B4GALT7: variants seen among roughly 807,000 people sequenced by gnomAD.
B4GALT7 encodes the protein beta-1,4-galactosyltransferase 7, also known as UDP-Gal:beta-GlcNAc beta-1,4-galactosyltransferase 7.
B4GALT7 carries 30 observed loss-of-function variants against 33.0 expected under a neutral mutation model. That is an observed-to-expected ratio of 0.91 (90% confidence interval 0.68 to 1.23). The LOEUF (loss-of-function observed/expected upper bound fraction) is 1.23. Among genes scored for constraint, B4GALT7 ranks in the 50% most tolerant of loss-of-function variants. The pLI is 0.00. For synonymous variants in B4GALT7, 213 were observed against 187.2 expected (o/e 1.14, Z -1.13); for missense variants, 507 against 450.8 (o/e 1.12, Z -1.13).
intron 2 of B4GALT7, chr5:177,605,196 C>T: frequency 2.7e-6 from 1 of 369,084 alleles, no homozygotes; most frequent in South Asian, 2.0e-5. Flanking sequence ...GTCCAAGGTC[C>T]ATCATTAAAA....
Position 177,608,494 on chromosome 5 carries a change from C to G in B4GALT7, c.640-45C>G, listed in dbSNP as rs202000213. ...AGCGGTAGGAGACCAAAGGCCCCCC[C>G]CCCCGGGAAGATGGGCCGAGTGACG... On this transcript the variant is annotated intron_variant, in intron 3 of 5. Transcript: ENST00000029410. This position sits in a 1 kb window ranked among gnomAD's most constrained non-coding sequence, Gnocchi z 4.1. 655 of 1,564,094 alleles carry G rather than the reference C, an allele frequency of 4.2e-4. 2 individuals are homozygous for G. The highest frequency in any genetic ancestry group is 1.0e-3 in the African/African-American group (74 of 73,760).
chr5:177,604,919 G>A (rs1173369531), intron 2 of B4GALT7: 10 of 462,908 alleles, frequency 2.2e-5, no homozygotes, highest in Non-Finnish European at 4.3e-5. Context: ...GAGGGTCAAG[G>A]CCACGGCTTT....
chr5:177,602,222 A>T (rs1767866869), intron 1 of B4GALT7, among the ~76,000 whole-genome samples: 1 of 151,832 alleles, frequency 6.6e-6, no homozygotes, highest in Admixed American at 6.5e-5. Flanking sequence ...GGGGTTTCCT[A>T]CCAGGCCACC....
chr5:177,604,365 G>A lies in B4GALT7; in HGVS notation c.237G>A (p.Pro79=). ...SGPPRACPPE[P]PPEHWEEDAS... ...CTCCCCGTGCCTGCCCCCCAGAGCC[G>A]CCCCCTGAGCACTGGGAAGAAGACG... The change falls in exon 2 of 6, where the codon CCG becomes CCA. Residue 79 remains proline (P), a synonymous_variant. Coordinates refer to ENST00000029410, the MANE Select transcript of B4GALT7 (RefSeq NM_007255.3). 2 of 1,612,434 alleles carry A rather than the reference G, an allele frequency of 1.2e-6. No homozygotes were observed. The highest frequency in any genetic ancestry group is 1.7e-6 in the Non-Finnish European group (2 of 1,179,256).
At position 177,606,786 on chromosome 5, in the gene B4GALT7, G is replaced by T; in HGVS notation, c.414-516G>T. 1 of 250,600 alleles carries T rather than the reference G, an allele frequency of 4.0e-6. No individual in the cohort carries two copies. The highest frequency in any genetic ancestry group is 8.0e-6 in the Non-Finnish European group (1 of 125,658). The allele number at this position is 250,600 out of a possible 1,614,324, so 15.5% of individuals were successfully genotyped here. Reference sequence around the variant, plus strand: ...CCCACCTCTGCCCTCGCCCTGCCCAGCTGCCCGTTGGTCTGCTCCTGCCTC... The same window carrying T: ...CCCACCTCTGCCCTCGCCCTGCCCATCTGCCCGTTGGTCTGCTCCTGCCTC... On this transcript the variant is annotated intron_variant, in intron 2 of 5. Coordinates refer to ENST00000029410, the MANE Select transcript of B4GALT7 (RefSeq NM_007255.3). The surrounding 1 kb of genome is among the most constrained non-coding windows in gnomAD (Gnocchi z 4.2).
At chr5:177,603,968 C>T (rs1435437441) in intron 1 of B4GALT7, 6 of 659,314 alleles carry the variant, frequency 9.1e-6, no homozygotes, top group Admixed American at 2.7e-5. Flanking sequence ...TTCCCGAGAG[C>T]GGGTGGCATG....
chr5:177,604,080 C>G (rs776092355), intron 1 of B4GALT7, 99 bp from the exon 2 acceptor site: 160 of 1,547,498 alleles, frequency 1.0e-4, no homozygotes, highest in African/African-American at 4.3e-4. Context: ...TTGGGGTAGA[C>G]GAGTTATGTG....
At chr5:177,603,941 G>A (rs1767904827) in intron 1 of B4GALT7, 1 of 578,240 alleles carries the variant, frequency 1.7e-6, no homozygotes, top group South Asian at 2.0e-5. Flanking sequence ...CTGTGAACTG[G>A]GAGTGGTTCA....
chr5:177,607,031 G>A, intron 2 of B4GALT7: 2 of 547,814 alleles, frequency 3.7e-6, no homozygotes, highest in Non-Finnish European at 3.3e-6. Context: ...CTTTGTGTTT[G>A]CTTGTTTCTG....
At position 177,604,368 on chromosome 5, in the gene B4GALT7, C is replaced by A. The variant is rs377379133; in HGVS notation, c.240C>A (p.Pro80=). 1.2e-6 allele frequency: 2 copies of A among 1,612,948 alleles called. No individual in the cohort carries two copies. The highest frequency in any genetic ancestry group is 1.7e-6 in the Non-Finnish European group (2 of 1,179,476). Residue 80 remains proline, a synonymous_variant, in exon 2 of 6, where the codon CCC becomes CCA. Coordinates refer to ENST00000029410, the MANE Select transcript of B4GALT7 (RefSeq NM_007255.3). ...CCCGTGCCTGCCCCCCAGAGCCGCC[C>A]CCTGAGCACTGGGAAGAAGACGCAT... is the stretch of plus-strand genomic sequence containing the variant. The part of the protein sequence containing the change: ...GPPRACPPEP[P]PEHWEEDASW...
intron 5 of B4GALT7, 70 bp from the exon 6 acceptor site, chr5:177,609,470 G>T (rs1768112892): frequency 1.3e-6 from 2 of 1,580,006 alleles, no homozygotes; most frequent in African/African-American, 2.7e-5. Flanking sequence ...TGGCGAGGTT[G>T]TGTGGGGTCA....
intron 1 of B4GALT7, chr5:177,602,956 C>G (rs1377276327): frequency 1.7e-6 from 1 of 596,086 alleles, no homozygotes; most frequent in Non-Finnish European, 2.1e-6. Context: ...GATCTCAGCT[C>G]ACTGCAACCT....
chr5:177,608,022 C>T lies in B4GALT7; in HGVS notation c.639+495C>T. On this transcript the variant is annotated intron_variant, in intron 3 of 5. Coordinates refer to ENST00000029410, the MANE Select transcript of B4GALT7 (RefSeq NM_007255.3). The surrounding 1 kb of genome is among the most constrained non-coding windows in gnomAD (Gnocchi z 4.1). ...TTGAGTGCTGAGCCCACCCCTCAGC[C>T]AGTCACTGGCTGGTGGACGGGCAGG... 4.3e-6 allele frequency: 1 copy of T among 232,556 alleles called. No individual in the cohort carries two copies. The highest frequency in any genetic ancestry group is 6.0e-5 in the South Asian group (1 of 16,650). 14.4% of individuals were successfully genotyped at this position (232,556 alleles called of 1,614,324 possible).
In B4GALT7 at chr5:177,600,520, AT is replaced by A. The variant is rs1420335896; in HGVS notation, c.50+263del. ...CCTTCCCCCCGGCCCGTGGGTCCGTATTTCTCCATTGACTTCCCTTTGTGAG... is the reference window on the plus strand; with the variant it reads ...CCTTCCCCCCGGCCCGTGGGTCCGTATTCTCCATTGACTTCCCTTTGTGAG... On this transcript the variant is annotated intron_variant, in intron 1 of 5. Coordinates refer to ENST00000029410, the MANE Select transcript of B4GALT7 (RefSeq NM_007255.3). This position sits in a 1 kb window ranked among gnomAD's most constrained non-coding sequence, Gnocchi z 4.4. 3.0e-5 allele frequency among the ~76,000 whole-genome samples: 4 copies of A among 134,300 alleles called. No homozygotes were observed. Among genetic ancestry groups the A allele is most frequent in the Non-Finnish European group, 6.1e-5 (4 of 65,874 alleles). The allele number at this position is 134,300 out of a possible 152,430, so 88.1% of individuals were successfully genotyped here.
In B4GALT7 at chr5:177,609,708, G is replaced by A. The variant is rs763836345; in HGVS notation, c.*13G>A. The A allele has an allele frequency of 8.8e-6, 14 of 1,594,254 alleles. No homozygotes were observed. In the Admixed American group the frequency reaches 1.8e-4, roughly 20 times the overall value. On this transcript the variant is annotated 3_prime_UTR_variant, in exon 6 of 6. Coordinates refer to ENST00000029410, the MANE Select transcript of B4GALT7 (RefSeq NM_007255.3). ...CACATTCAGCTGAGCTGGATGGACA[G>A]TGAGGAAGCCTGTACCTACAGGCCA...
Position 177,606,850 on chromosome 5 carries a change from G to C in B4GALT7, c.414-452G>C. On this transcript the variant is annotated intron_variant, in intron 2 of 5. Coordinates refer to ENST00000029410, the MANE Select transcript of B4GALT7 (RefSeq NM_007255.3). This position sits in a 1 kb window ranked among gnomAD's most constrained non-coding sequence, Gnocchi z 4.2. ...GCCATCTCTCCTATGCAGAGCCCTA[G>C]GCACCCACTGCCCTGTGGGTCATCT... The C allele has an allele frequency of 3.1e-6, 1 of 320,536 alleles. No homozygotes were observed. The highest frequency in any genetic ancestry group is 2.7e-5 in the South Asian group (1 of 37,316). The allele number at this position is 320,536 out of a possible 1,614,324, so 19.9% of individuals were successfully genotyped here.
intron 5 of B4GALT7, among the ~76,000 whole-genome samples, chr5:177,609,290 C>T (rs561178194): frequency 2.6e-5 from 4 of 152,302 alleles, no homozygotes; most frequent in Admixed American, 6.5e-5. Context: ...CCCAGCCACA[C>T]CCGGGATGCA....
rs537618285 is a variant in B4GALT7 at position 177,608,499 on chromosome 5, G to C, written c.640-40G>C. 8.6e-4 allele frequency: 1,192 copies of C among 1,381,888 alleles called. 11 individuals carry two copies. The African/African-American group carries it at 0.016, about 19-fold the overall frequency. 85.6% of individuals were successfully genotyped at this position (1,381,888 alleles called of 1,614,324 possible). A position where few individuals can be genotyped will look rare whatever the true frequency, so the allele number is the denominator to read the frequency against. ...TAGGAGACCAAAGGCCCCCCCCCCC[G>C]GGAAGATGGGCCGAGTGACGCTGCT... On this transcript the variant is annotated intron_variant, in intron 3 of 5. Transcript: ENST00000029410. The surrounding 1 kb of genome is among the most constrained non-coding windows in gnomAD (Gnocchi z 4.1).
chr5:177,600,367 G>T lies in B4GALT7; in HGVS notation c.50+107G>T. On this transcript the variant is annotated intron_variant, in intron 1 of 5. Transcript: ENST00000029410. The surrounding 1 kb of genome is among the most constrained non-coding windows in gnomAD (Gnocchi z 4.4). ...GGCCATCACGTCTCCATGTCTGCGG[G>T]TTTCTGTGAGGGCGTGTGGTTCTCC... 1.1e-6 allele frequency: 1 copy of T among 951,118 alleles called. No individual in the cohort carries two copies. Among genetic ancestry groups the T allele is most frequent in the African/African-American group, 1.7e-5 (1 of 58,400 alleles). The allele number at this position is 951,118 out of a possible 1,614,324, so 58.9% of individuals were successfully genotyped here.
Sources: allele counts gnomAD v4.1 joint callset (sites outside exome capture counted in the v4.1 genomes callset), GRCh38; gene constraint gnomAD v4.1.1; non-coding constraint Gnocchi (gnomAD v3.1); transcripts MANE v1.5; gene names NCBI Gene and HGNC (gene_info 2026-07-23, HGNC 2026-07-21).